Variants in ELOVL2 observed in about 807,000 individuals in gnomAD.
ELOVL2 encodes the protein very long chain fatty acid elongase 2.
A neutral mutation model predicts 37.7 loss-of-function variants in ELOVL2; 38 were observed. The observed-to-expected ratio is 1.01, with a 90% CI of 0.78 to 1.32. The LOEUF (loss-of-function observed/expected upper bound fraction) is 1.32, where lower values mean the gene tolerates loss of function less well. Ranked by LOEUF, ELOVL2 falls within the 40% of genes most tolerant of loss-of-function variation. ELOVL2 has a pLI of 0.00. For missense variants in ELOVL2, 352 were observed against 363.6 expected, an observed-to-expected ratio of 0.97 and a Z score of 0.26; for synonymous variants, 115 against 122.3, an observed-to-expected ratio of 0.94 and a Z score of 0.40.
rs1386107855 is a variant in ELOVL2 at position 10,989,850 on chromosome 6, G to A, written c.631-13C>T. On this transcript the variant is annotated splice_polypyrimidine_tract_variant and intron_variant, in intron 6 of 7. Coordinates refer to ENST00000354666, the MANE Select transcript of ELOVL2 (RefSeq NM_017770.4). ...GCACGAACTGCACCTGGGGACGGCAGAGAGGGCATCTCTGTGAGCGAGCCA... is the reference window on the plus strand; with the variant it reads ...GCACGAACTGCACCTGGGGACGGCAAAGAGGGCATCTCTGTGAGCGAGCCA... The A allele has an allele frequency of 6.2e-7, 1 of 1,614,054 alleles. No homozygotes were observed. The highest frequency in any genetic ancestry group is 1.1e-5 in the South Asian group (1 of 91,074).
intron 5 of ELOVL2, among the ~76,000 whole-genome samples, chr6:10,994,238 G>A (rs376634431): frequency 3.3e-5 from 5 of 152,086 alleles, no homozygotes; most frequent in African/African-American, 9.6e-5. Flanking sequence ...AGGCTGAGGC[G>A]GGTGGATTGC....
intron 1 of ELOVL2, among the ~76,000 whole-genome samples, chr6:11,014,347 T>G (rs2113529844): frequency 6.6e-6 from 1 of 151,624 alleles, no homozygotes; most frequent in East Asian, 1.9e-4. Context: ...GGCGTGGTGG[T>G]GCACACCTGT....
chr6:11,031,183 C>T (rs1218433738), intron 1 of ELOVL2, among the ~76,000 whole-genome samples: 2 of 152,014 alleles, frequency 1.3e-5, no homozygotes, highest in East Asian at 1.9e-4. Flanking sequence ...GTCATTTGTC[C>T]ACCTCCTTAC....
At position 10,981,050 on chromosome 6, in the gene ELOVL2, T is replaced by A. The variant is rs1781925122; in HGVS notation, c.*2731A>T. The A allele has an allele frequency of 6.6e-6, 1 of 152,210 alleles. No homozygotes were observed. The highest frequency in any genetic ancestry group is 2.4e-5 in the African/African-American group (1 of 41,448). 9.4% of individuals were successfully genotyped at this position (152,210 alleles called of 1,614,324 possible). The stretch of plus-strand genomic sequence containing the variant: ...CTGTTTTGCCTTAAAATAAAAATAA[T>A]AAAATATTTCTCAAATGCAGGGGTG... On this transcript the variant is annotated 3_prime_UTR_variant, in exon 8 of 8. Transcript: ENST00000354666.
intron 1 of ELOVL2, among the ~76,000 whole-genome samples, chr6:11,014,485 AAAC>A (rs528121638): frequency 1.5e-4 from 22 of 150,094 alleles, no homozygotes; most frequent in South Asian, 4.3e-4. Flanking sequence ...TCAAAAAAAC[AAAC>A]AACAACAACA....
intron 1 of ELOVL2, among the ~76,000 whole-genome samples, chr6:11,032,928 C>T (rs1336659846): frequency 6.6e-6 from 1 of 152,208 alleles, no homozygotes; most frequent in East Asian, 1.9e-4. Context: ...GAAAGTTCCT[C>T]TGGAGTTGAT....
chr6:11,019,919 T>C (rs1375966559), intron 1 of ELOVL2, among the ~76,000 whole-genome samples: 4 of 152,052 alleles, frequency 2.6e-5, no homozygotes, highest in African/African-American at 9.7e-5. Flanking sequence ...AATTTTTGTA[T>C]ATTTAGTAGA....
intron 3 of ELOVL2, among the ~76,000 whole-genome samples, chr6:11,004,418 T>C (rs1782445118): frequency 8.0e-6 from 1 of 125,686 alleles, no homozygotes; most frequent in South Asian, 2.2e-4. Flanking sequence ...TTGTCCCTCT[T>C]TTTTTTTTTT....
At chr6:11,011,813 G>A (rs2113525604) in intron 1 of ELOVL2, among the ~76,000 whole-genome samples, 1 of 152,216 alleles carries the variant, frequency 6.6e-6, no homozygotes, top group Admixed American at 6.5e-5. Flanking sequence ...TACCCGTTCA[G>A]GTATTTCCCA....
intron 1 of ELOVL2, among the ~76,000 whole-genome samples, chr6:11,035,636 T>C (rs1404034908): frequency 2.0e-5 from 3 of 152,214 alleles, no homozygotes; most frequent in African/African-American, 7.2e-5. Flanking sequence ...AAGTTACCTA[T>C]GCTGTAGGGT....
At chr6:11,023,878 G>A (rs531061966) in intron 1 of ELOVL2, among the ~76,000 whole-genome samples, 3 of 152,160 alleles carry the variant, frequency 2.0e-5, no homozygotes, top group South Asian at 2.1e-4. Flanking sequence ...CCTGAGCTAC[G>A]TGAGCAAAAA....
At chr6:11,041,478 C>T (rs1022755641) in intron 1 of ELOVL2, among the ~76,000 whole-genome samples, 35 of 152,144 alleles carry the variant, frequency 2.3e-4, no homozygotes, top group Admixed American at 3.3e-4. Context: ...GCTATACGTT[C>T]GAAGAATCGA....
rs1781943505 is a variant in ELOVL2 at position 10,982,009 on chromosome 6, A to G, written c.*1772T>C. 1 of 152,254 alleles carries G rather than the reference A, an allele frequency of 6.6e-6. No individual in the cohort carries two copies. Among genetic ancestry groups the G allele is most frequent in the South Asian group, 2.1e-4 (1 of 4,828 alleles). 9.4% of individuals were successfully genotyped at this position (152,254 alleles called of 1,614,324 possible). On this transcript the variant is annotated 3_prime_UTR_variant, in exon 8 of 8. Transcript: ENST00000354666. Reference sequence around the variant, plus strand: ...GACAGAACAGTTATAAGGTGATGCAAGATGGAAGTGGTGATGAAGCACCCT... The same window carrying G: ...GACAGAACAGTTATAAGGTGATGCAGGATGGAAGTGGTGATGAAGCACCCT...
At chr6:11,017,419 C>T (rs1364020489) in intron 1 of ELOVL2, among the ~76,000 whole-genome samples, 9 of 152,152 alleles carry the variant, frequency 5.9e-5, no homozygotes, top group African/African-American at 2.2e-4. Context: ...CTCTGCGGAT[C>T]TCAAGCCCCT....
At chr6:10,993,520 C>G (rs926466043) in intron 5 of ELOVL2, among the ~76,000 whole-genome samples, 3 of 152,116 alleles carry the variant, frequency 2.0e-5, no homozygotes, top group Non-Finnish European at 4.4e-5. Flanking sequence ...GTAATTTTAC[C>G]CATGTATATA....
intron 1 of ELOVL2, among the ~76,000 whole-genome samples, chr6:11,036,230 T>C (rs557622527): frequency 6.6e-6 from 1 of 152,328 alleles, no homozygotes; most frequent in Admixed American, 6.5e-5. Context: ...AAAAGGAACA[T>C]GATAGCATTT....
Position 10,986,896 on chromosome 6 carries a change from G to A in ELOVL2, c.765+2807C>T, listed in dbSNP as rs932132155. 5.1e-3 allele frequency among the ~76,000 whole-genome samples: 779 copies of A among 152,196 alleles called. 1 individual carries two copies. Among genetic ancestry groups the A allele is most frequent in the African/African-American group, 8.5e-3 (355 of 41,528 alleles). On this transcript the variant is annotated intron_variant, in intron 7 of 7. Coordinates refer to ENST00000354666, the MANE Select transcript of ELOVL2 (RefSeq NM_017770.4). ...GTTAGGGAGGATTCCCTCTTTTTCT[G>A]TTGATTGGAATGGTTTCAGAAGGAA...
intron 5 of ELOVL2, among the ~76,000 whole-genome samples, chr6:10,993,510 G>A (rs1175063611): frequency 6.6e-6 from 1 of 152,136 alleles, no homozygotes; most frequent in Non-Finnish European, 1.5e-5. Flanking sequence ...CTAGCACAGA[G>A]TAATTTTACC....
intron 1 of ELOVL2, among the ~76,000 whole-genome samples, chr6:11,041,324 T>C (rs1211195585): frequency 6.6e-6 from 1 of 152,174 alleles, no homozygotes; most frequent in Non-Finnish European, 1.5e-5. Context: ...ACATTCTCTT[T>C]CGGAACATGA....
Sources: allele counts gnomAD v4.1 joint callset (sites outside exome capture counted in the v4.1 genomes callset), GRCh38; gene constraint gnomAD v4.1.1; transcripts MANE v1.5; gene names NCBI Gene and HGNC (gene_info 2026-07-23, HGNC 2026-07-21).